Variants in FGD5 observed in about 807,000 individuals in gnomAD.
FGD5 encodes the protein FYVE, RhoGEF and PH domain-containing protein 5.
A neutral mutation model predicts 133.4 loss-of-function variants in FGD5; 28 were observed. That is an observed-to-expected ratio of 0.21 (90% CI 0.16 to 0.29). The LOEUF (loss-of-function observed/expected upper bound fraction) is 0.29, where lower values mean the gene tolerates loss of function less well. Ranked by LOEUF, FGD5 falls within the 10% of genes least tolerant of loss-of-function variation. FGD5 has a pLI of 1.00. For synonymous variants in FGD5, 810 were observed against 776.5 expected (o/e 1.04, Z -0.72); for missense variants, 1,858 against 1,895.2 (o/e 0.98, Z 0.36).
At chr3:14,897,750 T>C in intron 5 of FGD5, 81 bp downstream of exon 5, 2 of 1,478,808 alleles carry the variant, frequency 1.4e-6, no homozygotes, top group South Asian at 1.3e-5. Context: ...CCATATGAAA[T>C]AGTATCTCCA....
chr3:14,864,880 T>G (rs2037464746), intron 2 of FGD5, among the ~76,000 whole-genome samples: 1 of 152,162 alleles, frequency 6.6e-6, no homozygotes, highest in African/African-American at 2.4e-5. Flanking sequence ...TGAGCCGGCC[T>G]TCACCTACTC....
intron 1 of FGD5, among the ~76,000 whole-genome samples, chr3:14,833,972 C>T (rs572515036): frequency 6.6e-6 from 1 of 152,052 alleles, no homozygotes; most frequent in South Asian, 2.1e-4. Flanking sequence ...GGGTTCCCTC[C>T]CATGCTTAAT....
At chr3:14,846,491 G>A (rs1026931966) in intron 1 of FGD5, among the ~76,000 whole-genome samples, 1 of 152,164 alleles carries the variant, frequency 6.6e-6, no homozygotes, top group Non-Finnish European at 1.5e-5. Flanking sequence ...AGCAATTACT[G>A]ACTGAAAAAG....
Position 14,819,877 on chromosome 3 carries a change from C to T in FGD5, c.806C>T (p.Thr269Ile), listed in dbSNP as rs750921795. Residue 269 changes from threonine to isoleucine, a missense_variant, in exon 1 of 20, where the codon ACA becomes ATA. Around this residue, in one of 3 missense-constraint regions of FGD5, gnomAD observed 1,824 missense variants for 1,848.9 expected, o/e 0.99. Transcript: ENST00000285046. This position sits in a 1 kb window ranked among gnomAD's most constrained non-coding sequence, Gnocchi z 4.1. ...LAGVQEAETA[T>I]DCPEVLEEGC... is the part of the protein sequence containing the mutation. ...GGGGTCCAGGAGGCAGAGACAGCCA[C>T]AGACTGCCCTGAAGTTCTTGAGGAG... 2 of 1,613,696 alleles carry T rather than the reference C, an allele frequency of 1.2e-6. No individual in the cohort carries two copies. Among genetic ancestry groups the T allele is most frequent in the African/African-American group, 1.3e-5 (1 of 75,026 alleles).
At chr3:14,841,259 C>T (rs1005503741) in intron 1 of FGD5, among the ~76,000 whole-genome samples, 5 of 152,110 alleles carry the variant, frequency 3.3e-5, no homozygotes, top group Non-Finnish European at 5.9e-5. Context: ...ATGCTGTCAC[C>T]CAGGGGTGGT....
intron 17 of FGD5, among the ~76,000 whole-genome samples, chr3:14,925,028 G>A (rs1178842038): frequency 6.8e-6 from 1 of 148,124 alleles, no homozygotes; most frequent in Admixed American, 6.9e-5. Context: ...TGAACCTCAG[G>A]GAGGTGAAGG....
chr3:14,865,572 G>A (rs2037478355), intron 2 of FGD5, among the ~76,000 whole-genome samples: 1 of 151,264 alleles, frequency 6.6e-6, no homozygotes, highest in African/African-American at 2.4e-5. Flanking sequence ...TCTCCCCGCT[G>A]CCTCTTCCTC....
chr3:14,852,853 C>T (rs544826542), intron 1 of FGD5, among the ~76,000 whole-genome samples: 1 of 152,174 alleles, frequency 6.6e-6, no homozygotes, highest in Admixed American at 6.5e-5. Flanking sequence ...ACTTCAGACA[C>T]GACGAGGCAC....
intron 13 of FGD5, 62 bp from the exon 14 acceptor site, chr3:14,921,856 C>T (rs181088807): frequency 1.1e-4 from 163 of 1,487,954 alleles, no homozygotes; most frequent in African/African-American, 1.0e-3. Flanking sequence ...TCATCCATGC[C>T]GAGATGGAGG....
At chr3:14,817,096 A>G (rs2036380944), upstream of FGD5, among the ~76,000 whole-genome samples, 1 of 152,254 alleles carries the variant, frequency 6.6e-6, no homozygotes, top group Non-Finnish European at 1.5e-5. Context: ...AGTATGAAAA[A>G]AGAGTGTCAA....
chr3:14,848,444 G>A (rs947152475), intron 1 of FGD5, among the ~76,000 whole-genome samples: 28 of 151,846 alleles, frequency 1.8e-4, no homozygotes, highest in African/African-American at 6.1e-4. Context: ...CCTTAACACC[G>A]CAGGGCTCAC....
Position 14,897,841 on chromosome 3 carries a change from A to T in FGD5, c.2910-98A>T, listed in dbSNP as rs143755810. ...ACAACTGTGCAAGGGTTGAGCTGGG[A>T]TCTGCACCCAGGGATGTGACTCCAG... On this transcript the variant is annotated intron_variant, in intron 5 of 19. Transcript: ENST00000285046. 310 of 1,525,422 alleles carry T rather than the reference A, an allele frequency of 2.0e-4. 2 individuals are homozygous for T. In the African/African-American group the frequency reaches 3.7e-3, roughly 18 times the overall value. The allele number at this position is 1,525,422 out of a possible 1,614,324, so 94.5% of individuals were successfully genotyped here. A position where few individuals can be genotyped will look rare whatever the true frequency, so the allele number is the denominator to read the frequency against.
At chr3:14,833,789 G>A (rs1298757507) in intron 1 of FGD5, among the ~76,000 whole-genome samples, 5 of 152,136 alleles carry the variant, frequency 3.3e-5, no homozygotes, top group South Asian at 2.1e-4. Context: ...AAGAGTGCCC[G>A]CTTCATCCAG....
At chr3:14,909,687 G>A (rs1319257202) in intron 10 of FGD5, among the ~76,000 whole-genome samples, 1 of 151,572 alleles carries the variant, frequency 6.6e-6, no homozygotes, top group Non-Finnish European at 1.5e-5. Context: ...GGAAGTTTGT[G>A]TTTTTAAGTA....
In FGD5 at chr3:14,923,039, C is replaced by G. The variant is rs2038718751; in HGVS notation, c.3808-7C>G. The stretch of plus-strand genomic sequence containing the variant: ...AGGGGTGAGAATCTTCCCACCTGGG[C>G]CTGCAGATCGTGTGCCGGAACTGTT... On this transcript the variant is annotated splice_region_variant and splice_polypyrimidine_tract_variant and intron_variant, in intron 15 of 19. Coordinates refer to ENST00000285046, the MANE Select transcript of FGD5 (RefSeq NM_152536.4). 1.2e-6 allele frequency: 2 copies of G among 1,613,858 alleles called. No homozygotes were observed. The highest frequency in any genetic ancestry group is 1.7e-6 in the Non-Finnish European group (2 of 1,179,836).
At chr3:14,859,475 T>C (rs2037354166) in intron 1 of FGD5, among the ~76,000 whole-genome samples, 1 of 151,888 alleles carries the variant, frequency 6.6e-6, no homozygotes, top group Non-Finnish European at 1.5e-5. Context: ...CAAGAATCAC[T>C]TGAACCTAGA....
intron 10 of FGD5, among the ~76,000 whole-genome samples, chr3:14,910,656 G>T (rs926664726): frequency 2.0e-5 from 3 of 152,202 alleles, no homozygotes; most frequent in Non-Finnish European, 4.4e-5. Flanking sequence ...AGCATATACA[G>T]CACCTCTCTC....
chr3:14,923,131 G>A lies in FGD5; in HGVS notation c.3893G>A (p.Gly1298Glu), dbSNP rs772531473. ...GCCAAGGTCTGCGACGGCTGCTTCG[G>A]GGAGCTGAAGAAGCGGGGCAGGGCT... ...RMAKVCDGCF[G>E]ELKKRGRAVP... The change falls in exon 16 of 20, where the codon GGG becomes GAG. Residue 1298 changes from glycine (G) to glutamate (E), a missense_variant. Around this residue, in one of 3 missense-constraint regions of FGD5, gnomAD observed 1,824 missense variants for 1,848.9 expected, o/e 0.99. Coordinates refer to ENST00000285046, the MANE Select transcript of FGD5 (RefSeq NM_152536.4). 1 of 1,613,810 alleles carries A rather than the reference G, an allele frequency of 6.2e-7. No homozygotes were observed. The highest frequency in any genetic ancestry group is 1.1e-5 in the South Asian group (1 of 91,070).
chr3:14,874,924 C>T (rs2125112990), intron 2 of FGD5, among the ~76,000 whole-genome samples: 1 of 152,336 alleles, frequency 6.6e-6, no homozygotes, highest in South Asian at 2.1e-4. Context: ...TTGCGTCCCT[C>T]CTTCTCCCCT....
Sources: allele counts gnomAD v4.1 joint callset (sites outside exome capture counted in the v4.1 genomes callset), GRCh38; gene constraint gnomAD v4.1.1; regional missense constraint gnomAD v4.1.1; non-coding constraint Gnocchi (gnomAD v3.1); transcripts MANE v1.5; gene names NCBI Gene and HGNC (gene_info 2026-07-23, HGNC 2026-07-21).